PIP5K1B: variants seen among roughly 807,000 people sequenced by gnomAD.
PIP5K1B encodes phosphatidylinositol-4-phosphate 5-kinase type 1 beta.
PIP5K1B carries 42 observed loss-of-function variants against 67.0 expected under a neutral mutation model. That is an observed-to-expected ratio of 0.63 (90% CI 0.49 to 0.81). The LOEUF (loss-of-function observed/expected upper bound fraction) is 0.81. Among genes scored for constraint, PIP5K1B ranks in the 30% least tolerant of loss-of-function variants. The pLI, the probability that PIP5K1B is intolerant of heterozygous loss-of-function variation, is 0.00. For missense variants in PIP5K1B, 459 were observed against 646.3 expected (o/e 0.71, Z 3.14); for synonymous variants, 214 against 231.4 (o/e 0.92, Z 0.68).
intron 9 of PIP5K1B, among the ~76,000 whole-genome samples, 179 bp downstream of exon 9, chr9:68,917,938 G>C (rs540954973): frequency 1.3e-5 from 2 of 152,076 alleles, no homozygotes; most frequent in Non-Finnish European, 2.9e-5. Context: ...ATGAGTGGCA[G>C]TTTCTCCAGT....
intron 2 of PIP5K1B, among the ~76,000 whole-genome samples, chr9:68,743,306 C>T (rs1402401074): frequency 6.6e-6 from 1 of 151,746 alleles, no homozygotes; most frequent in Non-Finnish European, 1.5e-5. Context: ...CAGGCTCAAG[C>T]AATCCTCCTG....
At chr9:68,809,806 G>A (rs1393572266) in intron 2 of PIP5K1B, among the ~76,000 whole-genome samples, 1 of 152,148 alleles carries the variant, frequency 6.6e-6, no homozygotes, top group Non-Finnish European at 1.5e-5. Context: ...GCTGACTTAT[G>A]CAGTTCCTCC....
chr9:68,781,289 AATAC>A (rs1831258132), intron 2 of PIP5K1B: 1 of 398,444 alleles, frequency 2.5e-6, no homozygotes, highest in African/African-American at 2.1e-5. Context: ...AATATGTCTA[AATAC>A]ATATGTTATC....
intron 14 of PIP5K1B, 30 bp downstream of exon 14, chr9:68,940,820 C>G (rs780975792): frequency 4.4e-6 from 7 of 1,605,102 alleles, no homozygotes; most frequent in Non-Finnish European, 4.3e-6. Context: ...AATAACCCAT[C>G]AGGCTGTTAC....
chr9:69,002,735 C>A (rs539052219), intron 15 of PIP5K1B, among the ~76,000 whole-genome samples: 1 of 152,276 alleles, frequency 6.6e-6, no homozygotes, highest in African/African-American at 2.4e-5. Context: ...GTAATCCCAG[C>A]ACTTTAGGAG....
intron 13 of PIP5K1B, among the ~76,000 whole-genome samples, chr9:68,935,558 C>T (rs759045905): frequency 7.9e-5 from 12 of 152,254 alleles, no homozygotes; most frequent in South Asian, 4.1e-4. Flanking sequence ...TTATGGTTTA[C>T]GATAAAAATT....
At chr9:68,941,419 C>T (rs1227450145) in intron 14 of PIP5K1B, among the ~76,000 whole-genome samples, 1 of 152,122 alleles carries the variant, frequency 6.6e-6, no homozygotes, top group East Asian at 1.9e-4. Context: ...AAGCAGAAGG[C>T]AGGATACTCC....
chr9:68,725,234 T>C (rs1232801763), intron 1 of PIP5K1B, among the ~76,000 whole-genome samples: 1 of 152,208 alleles, frequency 6.6e-6, no homozygotes, highest in Non-Finnish European at 1.5e-5. Context: ...TTGGATGCAG[T>C]GAGAGCCCTT....
chr9:68,940,192 C>T (rs1328599924), intron 13 of PIP5K1B, among the ~76,000 whole-genome samples: 1 of 152,094 alleles, frequency 6.6e-6, no homozygotes, highest in African/African-American at 2.4e-5. Context: ...TATTTGTTTC[C>T]CAGCTCTTGA....
intron 11 of PIP5K1B, among the ~76,000 whole-genome samples, chr9:68,921,626 G>A (rs573210469): frequency 2.8e-4 from 43 of 152,248 alleles, no homozygotes; most frequent in Non-Finnish European, 2.5e-4. Context: ...CAAAGCGGGC[G>A]GATCACTTGA....
At chr9:68,951,048 A>G (rs567156488) in intron 14 of PIP5K1B, among the ~76,000 whole-genome samples, 2 of 152,228 alleles carry the variant, frequency 1.3e-5, no homozygotes, top group Admixed American at 6.5e-5. Flanking sequence ...GAATTAGGTA[A>G]GTGTAAGGAG....
At position 68,991,216 on chromosome 9, in the gene PIP5K1B, G is replaced by T. The variant is rs1293130811; in HGVS notation, c.1579G>T (p.Glu527Ter). The T allele has an allele frequency of 6.2e-7, 1 of 1,611,122 alleles. No homozygotes were observed. The highest frequency in any genetic ancestry group is 2.2e-5 in the East Asian group (1 of 44,870). ...CTTGACCGCTGAGCCCAACACTCTG[G>T]AAGTGCAGGATGACAATGCTTCTGT... is the stretch of plus-strand genomic sequence containing the variant. ...IYLTAEPNTL[E>*]VQDDNASVLD... Residue 527 changes from glutamate (E) to a stop codon, truncating the protein, a stop_gained, in exon 15 of 16, where the codon GAA (glutamate) becomes TAA (stop). Coordinates refer to ENST00000265382, the MANE Select transcript of PIP5K1B (RefSeq NM_003558.4). LOFTEE classifies it high-confidence loss of function.
chr9:68,876,638 GTTCT>G (rs775024849), intron 5 of PIP5K1B, 35 bp from the exon 6 acceptor site: 35 of 1,141,570 alleles, frequency 3.1e-5, no homozygotes, highest in Non-Finnish European at 4.5e-5. Flanking sequence ...TTGCTAATGT[GTTCT>G]TTCTTTCTCT....
intron 4 of PIP5K1B, among the ~76,000 whole-genome samples, chr9:68,842,867 T>C (rs10869401): frequency 0.35 from 53,466 of 152,124 alleles, 9,579 homozygotes; most frequent in East Asian, 0.51. Flanking sequence ...CTTTGAAGGC[T>C]ATATAGACAG....
At chr9:68,932,593 T>C (rs1462577885) in intron 12 of PIP5K1B, among the ~76,000 whole-genome samples, 1 of 152,190 alleles carries the variant, frequency 6.6e-6, no homozygotes, top group Non-Finnish European at 1.5e-5. Context: ...AGAAGATAAG[T>C]TGGAGTCTCA....
chr9:68,954,446 A>G (rs970565660), intron 14 of PIP5K1B, among the ~76,000 whole-genome samples: 3 of 152,210 alleles, frequency 2.0e-5, no homozygotes, highest in Admixed American at 2.0e-4. Context: ...GCATAACTTA[A>G]TAGCAAAAGT....
intron 7 of PIP5K1B, among the ~76,000 whole-genome samples, chr9:68,892,929 T>A (rs964679323): frequency 6.6e-6 from 1 of 151,946 alleles, no homozygotes; most frequent in African/African-American, 2.4e-5. Flanking sequence ...AAAAATTATC[T>A]GGGTGTGGCG....
At chr9:68,805,271 G>A (rs1297008525) in intron 2 of PIP5K1B, among the ~76,000 whole-genome samples, 1 of 152,168 alleles carries the variant, frequency 6.6e-6, no homozygotes, top group African/African-American at 2.4e-5. Context: ...AATGGTGGAG[G>A]AGCGGCCAGA....
chr9:68,997,750 A>G (rs573392930), intron 15 of PIP5K1B, among the ~76,000 whole-genome samples: 6 of 152,324 alleles, frequency 3.9e-5, no homozygotes, highest in Non-Finnish European at 8.8e-5. Flanking sequence ...CCCATTCTTG[A>G]AATAAAAGTG....
Sources: allele counts gnomAD v4.1 joint callset (sites outside exome capture counted in the v4.1 genomes callset), GRCh38; gene constraint gnomAD v4.1.1; transcripts MANE v1.5; gene names NCBI Gene and HGNC (gene_info 2026-07-23, HGNC 2026-07-21).